SHISA9: variants seen among roughly 807,000 people sequenced by gnomAD.
SHISA9 encodes the protein protein shisa-9.
A neutral mutation model predicts 38.0 loss-of-function variants in SHISA9; 13 were observed. The ratio of observed to expected loss-of-function variants is 0.34; its 90% CI spans 0.22 to 0.54. The LOEUF is 0.54. Ranked by LOEUF, SHISA9 falls within the 20% of genes least tolerant of loss-of-function variation. The pLI is 0.91. For synonymous variants in SHISA9, 275 were observed against 242.0 expected, an observed-to-expected ratio of 1.14 and a Z score of -1.27; for missense variants, 538 against 575.8, an observed-to-expected ratio of 0.93 and a Z score of 0.67.
the SHISA9 span, among the ~76,000 whole-genome samples, chr16:13,423,159 A>G: frequency 6.6e-6 from 1 of 152,174 alleles, no homozygotes; most frequent in Non-Finnish European, 1.5e-5. Context: ...TCTTCTCTGA[A>G]CAGTGGCATC....
chr16:13,226,582 C>T (rs2051281707), intron 4 of SHISA9, among the ~76,000 whole-genome samples: 1 of 152,202 alleles, frequency 6.6e-6, no homozygotes, highest in Admixed American at 6.5e-5. Flanking sequence ...TCAACTGCTG[C>T]ATAACAAATG....
the SHISA9 span, among the ~76,000 whole-genome samples, chr16:13,249,483 G>A: frequency 1.3e-5 from 2 of 152,142 alleles, no homozygotes; most frequent in African/African-American, 2.4e-5. Flanking sequence ...AAGATATGCT[G>A]AGCATCTGCT....
At chr16:13,547,870 A>T in the SHISA9 span, among the ~76,000 whole-genome samples, 1 of 152,208 alleles carries the variant, frequency 6.6e-6, no homozygotes, top group Non-Finnish European at 1.5e-5. Context: ...AAAAAACATA[A>T]AATTAGTATA....
chr16:13,378,898 G>A, the SHISA9 span, among the ~76,000 whole-genome samples: 1 of 152,200 alleles, frequency 6.6e-6, no homozygotes, highest in Non-Finnish European at 1.5e-5. Context: ...CAGTTCCTCT[G>A]GGGATGGAAA....
chr16:13,031,513 C>G (rs1208207845), intron 2 of SHISA9, among the ~76,000 whole-genome samples: 1 of 152,132 alleles, frequency 6.6e-6, no homozygotes, highest in African/African-American at 2.4e-5. Context: ...ATTCCTGAGA[C>G]TTAACAAGTA....
the SHISA9 span, among the ~76,000 whole-genome samples, chr16:13,329,101 A>G: frequency 3.9e-5 from 6 of 152,032 alleles, no homozygotes; most frequent in Non-Finnish European, 8.8e-5. Flanking sequence ...AGAAGACAAC[A>G]TGACGCTGGC....
In SHISA9 at chr16:12,902,005, A is replaced by T; in HGVS notation, c.-60A>T. On this transcript the variant is annotated 5_prime_UTR_variant, in exon 1 of 5. The change creates a premature stop within an existing upstream ORF in the 5' untranslated region. Coordinates refer to ENST00000558583, the MANE Select transcript of SHISA9 (RefSeq NM_001145204.3). ...CCTCGGCAGCTTCGGCCGCGCCTCG[A>T]GAGGCGGCCGCAGAGGCTCCAGCGG... is the stretch of plus-strand genomic sequence containing the variant. 11 of 1,330,670 alleles carry T rather than the reference A, an allele frequency of 8.3e-6. No homozygotes were observed. The highest frequency in any genetic ancestry group is 1.1e-5 in the Non-Finnish European group (11 of 1,040,892). 82.4% of individuals were successfully genotyped at this position (1,330,670 alleles called of 1,614,324 possible).
the SHISA9 span, among the ~76,000 whole-genome samples, chr16:13,363,852 T>A: frequency 6.6e-6 from 1 of 152,284 alleles, no homozygotes; most frequent in East Asian, 1.9e-4. Context: ...AGGGAAGAAG[T>A]AGTCGAAGAG....
the SHISA9 span, among the ~76,000 whole-genome samples, chr16:13,503,931 C>T: frequency 1.3e-5 from 2 of 152,110 alleles, no homozygotes; most frequent in Non-Finnish European, 2.9e-5. Flanking sequence ...TAGAATAAAC[C>T]TTGAAATCCA....
At chr16:13,369,043 A>G in the SHISA9 span, among the ~76,000 whole-genome samples, 5 of 152,222 alleles carry the variant, frequency 3.3e-5, no homozygotes, top group Admixed American at 3.3e-4. Flanking sequence ...AAATATTTAT[A>G]TAATGGAACA....
chr16:13,514,970 G>A, the SHISA9 span, among the ~76,000 whole-genome samples: 1 of 152,082 alleles, frequency 6.6e-6, no homozygotes, highest in Non-Finnish European at 1.5e-5. Flanking sequence ...GATCAGGTAT[G>A]GGGAAAATTT....
chr16:13,383,774 C>T, the SHISA9 span, among the ~76,000 whole-genome samples: 2 of 152,070 alleles, frequency 1.3e-5, no homozygotes, highest in South Asian at 2.1e-4. Context: ...CCTTGGGCTC[C>T]GAGTAGCTGG....
intron 4 of SHISA9, among the ~76,000 whole-genome samples, chr16:13,221,252 C>T (rs565593624): frequency 5.9e-5 from 9 of 152,242 alleles, no homozygotes; most frequent in East Asian, 3.9e-4. Context: ...CAGCAAGGCC[C>T]GGAGGCAGGT....
At chr16:13,214,951 A>ATT (rs138027133) in intron 4 of SHISA9, among the ~76,000 whole-genome samples, 3 of 148,588 alleles carry the variant, frequency 2.0e-5, no homozygotes, top group African/African-American at 7.4e-5. Flanking sequence ...AGTTGTGGCC[A>ATT]TTTTTTTTTT....
chr16:13,455,627 C>T, the SHISA9 span, among the ~76,000 whole-genome samples: 12 of 152,156 alleles, frequency 7.9e-5, no homozygotes, highest in Admixed American at 3.3e-4. Context: ...TTACAAAGTG[C>T]CTTCATGTGT....
At chr16:13,505,943 T>C in the SHISA9 span, among the ~76,000 whole-genome samples, 1 of 152,228 alleles carries the variant, frequency 6.6e-6, no homozygotes, top group East Asian at 1.9e-4. Flanking sequence ...CATTGCCCAT[T>C]GGCCCACTGG....
chr16:13,043,463 C>A, intron 2 of SHISA9, among the ~76,000 whole-genome samples: 1 of 152,164 alleles, frequency 6.6e-6, no homozygotes, highest in East Asian at 1.9e-4. Flanking sequence ...TTTTTAAATT[C>A]TCCTGTTTCT....
the SHISA9 span, among the ~76,000 whole-genome samples, chr16:13,441,064 G>A: frequency 6.6e-6 from 1 of 152,150 alleles, no homozygotes; most frequent in Non-Finnish European, 1.5e-5. Context: ...GACAGAGATA[G>A]CAGAGAAGAA....
the SHISA9 span, among the ~76,000 whole-genome samples, chr16:13,360,929 C>T: frequency 3.9e-5 from 6 of 152,232 alleles, no homozygotes; most frequent in South Asian, 6.2e-4. Context: ...CATAATGTCC[C>T]CTTCACCAGC....
Sources: gnomAD v4.1 joint callset for allele counts (sites outside exome capture counted in the v4.1 genomes callset) on GRCh38, gnomAD v4.1.1 for gene constraint, MANE v1.5 for transcripts, NCBI Gene and HGNC (gene_info 2026-07-23, HGNC 2026-07-21) for gene names.